The following LHFPL2 variants were observed in gnomAD, a reference collection of about 807,000 sequenced individuals.
The protein encoded by LHFPL2 is LHFPL tetraspan subfamily member 2, also known as LHFPL tetraspan subfamily member 2 protein.
Under a neutral mutation model 17.5 loss-of-function variants are expected in LHFPL2, and 7 were observed. The ratio of observed to expected loss-of-function variants is 0.40; its 90% CI spans 0.23 to 0.75. The LOEUF is 0.75. LHFPL2 is among the 30% of genes least tolerant of loss of function. LHFPL2 has a pLI of 0.37. For synonymous variants in LHFPL2, 134 were observed against 116.2 expected (o/e 1.15, Z -0.99); for missense variants, 241 against 294.8 (o/e 0.82, Z 1.34).
intron 4 of LHFPL2, among the ~76,000 whole-genome samples, chr5:78,499,516 G>A (rs1193185103): frequency 6.6e-6 from 1 of 152,334 alleles, no homozygotes; most frequent in Non-Finnish European, 1.5e-5. Flanking sequence ...TCCACTTCCT[G>A]AGCCTTATCC....
At chr5:78,561,627 T>C (rs1756729959) in intron 3 of LHFPL2, among the ~76,000 whole-genome samples, 1 of 152,182 alleles carries the variant, frequency 6.6e-6, no homozygotes, top group Non-Finnish European at 1.5e-5. Flanking sequence ...GTTTTAAAAC[T>C]GTGGATATTT....
chr5:78,518,645 G>T (rs781047621), intron 3 of LHFPL2, among the ~76,000 whole-genome samples: 1 of 152,160 alleles, frequency 6.6e-6, no homozygotes, highest in Admixed American at 6.5e-5. Flanking sequence ...GGACTGAGCC[G>T]GTGTAATGAC....
intron 2 of LHFPL2, among the ~76,000 whole-genome samples, chr5:78,623,514 A>G (rs902414651): frequency 1.3e-5 from 2 of 152,254 alleles, no homozygotes; most frequent in African/African-American, 4.8e-5. Flanking sequence ...TGTCACATGC[A>G]ATAAGTATAC....
chr5:78,507,349 AAAAG>A (rs938193213), intron 4 of LHFPL2, among the ~76,000 whole-genome samples: 5 of 151,934 alleles, frequency 3.3e-5, no homozygotes, highest in African/African-American at 7.3e-5. Context: ...AAAGAAAAGA[AAAAG>A]AAAAAGAAAA....
chr5:78,599,495 G>A (rs1289671756), intron 2 of LHFPL2, among the ~76,000 whole-genome samples: 1 of 150,248 alleles, frequency 6.7e-6, no homozygotes, highest in East Asian at 2.0e-4. Flanking sequence ...TTTTTTAGTA[G>A]AGACAGGGTT....
Position 78,607,615 on chromosome 5 carries a change from C to T in LHFPL2, c.-245+24649G>A, listed in dbSNP as rs114683951. 2.1e-3 allele frequency among the ~76,000 whole-genome samples: 326 copies of T among 152,294 alleles called. 2 individuals are homozygous for T. The highest frequency in any genetic ancestry group is 7.4e-3 in the African/African-American group (306 of 41,578). On this transcript the variant is annotated intron_variant, in intron 2 of 4. Transcript: ENST00000380345. ...TCATTCCTGTTTTATCCTAGACTAGCCTCTTCACTAGCTGGCTCTTCCCTG... is the reference window on the plus strand; with the variant it reads ...TCATTCCTGTTTTATCCTAGACTAGTCTCTTCACTAGCTGGCTCTTCCCTG...
At chr5:78,582,851 C>A (rs1368438421) in intron 2 of LHFPL2, among the ~76,000 whole-genome samples, 2 of 152,120 alleles carry the variant, frequency 1.3e-5, no homozygotes, top group African/African-American at 2.4e-5. Flanking sequence ...TGTTGACTTT[C>A]TGTCTCGTTG....
At chr5:78,634,299 C>T (rs1580878066) in intron 1 of LHFPL2, among the ~76,000 whole-genome samples, 1 of 152,224 alleles carries the variant, frequency 6.6e-6, no homozygotes, top group Admixed American at 6.5e-5. Flanking sequence ...CTGCCCCCAA[C>T]ACCAATGCCA....
At chr5:78,520,411 G>T (rs1342371674) in intron 3 of LHFPL2, among the ~76,000 whole-genome samples, 2 of 152,200 alleles carry the variant, frequency 1.3e-5, no homozygotes, top group African/African-American at 2.4e-5. Context: ...GAAGGCGCTG[G>T]ACTTGCAGAT....
intron 4 of LHFPL2, among the ~76,000 whole-genome samples, chr5:78,503,052 C>CA (rs57229325): frequency 1 from 152,348 of 152,350 alleles, 76,173 homozygotes; most frequent in Non-Finnish European, 1. Flanking sequence ...AGACCATCTA[C>CA]ATAAATGAGC....
intron 2 of LHFPL2, among the ~76,000 whole-genome samples, chr5:78,601,998 T>C (rs533592228): frequency 2.0e-5 from 3 of 152,138 alleles, no homozygotes; most frequent in Non-Finnish European, 2.9e-5. Context: ...ACTGTATTAA[T>C]GTGGAAAAAA....
rs747829405 is a variant in LHFPL2 at position 78,509,997 on chromosome 5, C to A, written c.217G>T (p.Val73Leu). 16 of 1,613,360 alleles carry A rather than the reference C, an allele frequency of 9.9e-6. No homozygotes were observed. Among genetic ancestry groups the A allele is most frequent in the Admixed American group, 3.3e-5 (2 of 59,934 alleles). Residue 73 changes from valine (V) to leucine (L), a missense_variant, in exon 4 of 5, where the codon GTG becomes TTG. Physicochemically the swap from Val to Leu is conservative, Grantham distance 32. Coordinates refer to ENST00000380345, the MANE Select transcript of LHFPL2 (RefSeq NM_005779.3). ...IYARCIRNPGVQHFQRDTLCG... is the reference protein window; with the variant it reads ...IYARCIRNPGLQHFQRDTLCG... ...AGCGTGTCCCGCTGGAAGTGCTGCA[C>A]CCCTGGGTTCCGGATGCAGCGGGCG...
At chr5:78,620,353 GTT>G (rs886128598) in intron 2 of LHFPL2, among the ~76,000 whole-genome samples, 3 of 151,970 alleles carry the variant, frequency 2.0e-5, no homozygotes, top group African/African-American at 7.2e-5. Flanking sequence ...TGGTGGGGTT[GTT>G]TGTTTTTTTC....
intron 2 of LHFPL2, among the ~76,000 whole-genome samples, chr5:78,595,804 C>A (rs1183080769): frequency 6.6e-6 from 1 of 152,204 alleles, no homozygotes; most frequent in African/African-American, 2.4e-5. Context: ...GTGTGAGCCA[C>A]TGCAGCACCC....
At chr5:78,588,049 C>T (rs190285485) in intron 2 of LHFPL2, among the ~76,000 whole-genome samples, 1 of 152,354 alleles carries the variant, frequency 6.6e-6, no homozygotes, top group African/African-American at 2.4e-5. Context: ...TGCATTGGTA[C>T]TTTTCCAGTT....
chr5:78,621,683 A>G (rs1051669707), intron 2 of LHFPL2, among the ~76,000 whole-genome samples: 3 of 152,212 alleles, frequency 2.0e-5, no homozygotes, highest in Non-Finnish European at 1.5e-5. Context: ...CGTGGTTTCA[A>G]TGACACCAAT....
chr5:78,581,343 T>A (rs959887228), intron 2 of LHFPL2, among the ~76,000 whole-genome samples: 1 of 152,204 alleles, frequency 6.6e-6, no homozygotes, highest in Non-Finnish European at 1.5e-5. Context: ...ATAGGAGTGG[T>A]GAGAGAGGGC....
chr5:78,618,649 G>C (rs1478926090), intron 2 of LHFPL2, among the ~76,000 whole-genome samples: 1 of 152,170 alleles, frequency 6.6e-6, no homozygotes, highest in Non-Finnish European at 1.5e-5. Context: ...TCTGTGACTG[G>C]CCCTAGAAGT....
At chr5:78,491,488 G>A (rs1754444746) in intron 4 of LHFPL2, among the ~76,000 whole-genome samples, 1 of 152,196 alleles carries the variant, frequency 6.6e-6, no homozygotes, top group Non-Finnish European at 1.5e-5. Flanking sequence ...CTGAACCACA[G>A]CAATGAAAGG....
Sources: allele counts gnomAD v4.1 joint callset (sites outside exome capture counted in the v4.1 genomes callset), GRCh38; gene constraint gnomAD v4.1.1; transcripts MANE v1.5; gene names NCBI Gene and HGNC (gene_info 2026-07-23, HGNC 2026-07-21).